PDZRN3: variants seen among roughly 807,000 people sequenced by gnomAD.
PDZRN3 encodes E3 ubiquitin-protein ligase PDZRN3.
In PDZRN3, 38 loss-of-function variants were observed where a neutral mutation model predicts 85.7. That is an observed-to-expected ratio of 0.44 (90% CI 0.34 to 0.58). The LOEUF is 0.58. PDZRN3 is among the 20% of genes least tolerant of loss of function. The probability of loss-of-function intolerance (pLI) is 0.01; values close to 1 mark genes in which losing one functional copy is unlikely to be tolerated. For synonymous variants in PDZRN3, 759 were observed against 638.0 expected, an observed-to-expected ratio of 1.19 and a Z score of -2.86; for missense variants, 1,629 against 1,506.4, an observed-to-expected ratio of 1.08 and a Z score of -1.35.
chr3:73,501,278 A>G (rs985378883), intron 3 of PDZRN3, among the ~76,000 whole-genome samples: 3 of 152,218 alleles, frequency 2.0e-5, no homozygotes, highest in African/African-American at 7.2e-5. Flanking sequence ...AGCTAGAGGC[A>G]TCTCTCTGAG....
chr3:73,510,261 T>C (rs1011084480), intron 3 of PDZRN3, among the ~76,000 whole-genome samples: 13 of 152,192 alleles, frequency 8.5e-5, no homozygotes, highest in Non-Finnish European at 1.8e-4. Flanking sequence ...CCGTAATAAA[T>C]ATAGTTCATG....
intron 3 of PDZRN3, among the ~76,000 whole-genome samples, chr3:73,501,686 T>A (rs1703982125): frequency 6.6e-6 from 1 of 152,188 alleles, no homozygotes; most frequent in Admixed American, 6.5e-5. Flanking sequence ...TTGGTGAGAA[T>A]AAGGTGGGTG....
In PDZRN3 at chr3:73,410,185, A is replaced by T. The variant is rs185764657; in HGVS notation, c.919-5790T>A. On this transcript the variant is annotated intron_variant, in intron 3 of 9. Coordinates refer to ENST00000263666, the MANE Select transcript of PDZRN3 (RefSeq NM_015009.3). ...TTTCAAGCCCTGATTTAGGTTGGAT[A>T]AAAAAAAGTCTTTTTTTCATTTAGG... 4.7e-4 allele frequency among the ~76,000 whole-genome samples: 72 copies of T among 152,156 alleles called. 3 individuals carry two copies. In the East Asian group the frequency reaches 0.011, roughly 23 times the overall value.
intron 3 of PDZRN3, among the ~76,000 whole-genome samples, chr3:73,577,699 C>G (rs1702145394): frequency 6.6e-6 from 1 of 152,142 alleles, no homozygotes; most frequent in Non-Finnish European, 1.5e-5. Context: ...CCTGTCTTGA[C>G]AGCCCTCTTC....
intron 2 of PDZRN3, 53 bp from the exon 3 acceptor site, chr3:73,602,514 G>T: frequency 2.2e-6 from 2 of 925,880 alleles, no homozygotes; most frequent in Non-Finnish European, 3.5e-6. Context: ...AGTTGAGCAT[G>T]AAAGTAAAGC....
At chr3:73,569,234 G>C (rs1397217564) in intron 3 of PDZRN3, 1 of 1,286,678 alleles carries the variant, frequency 7.8e-7, no homozygotes, top group Non-Finnish European at 1.0e-6. Flanking sequence ...AAATACTTCA[G>C]TCTGCAAAGA....
rs751743247 is a variant in PDZRN3 at position 73,384,929 on chromosome 3, T to C, written c.1637A>G (p.Lys546Arg). The C allele has an allele frequency of 1.9e-6, 3 of 1,594,256 alleles. No homozygotes were observed. The Admixed American group carries it at 5.2e-5, about 27-fold the overall frequency. ...GGTCCCACCGTCTTCGTCGTGCTTC[T>C]TCTGCATAAACACAAGAACAAAGGG... ...MQFTASVLQQ[K>R]KHDEDGGTTD... is the part of the protein sequence containing the mutation. Residue 546 changes from lysine (K) to arginine (R), a missense_variant and splice_region_variant, in exon 10 of 10, where the codon AAG becomes AGG. Coordinates refer to ENST00000263666, the MANE Select transcript of PDZRN3 (RefSeq NM_015009.3).
At chr3:73,398,175 A>C (rs1214190718) in intron 5 of PDZRN3, among the ~76,000 whole-genome samples, 2 of 152,170 alleles carry the variant, frequency 1.3e-5, no homozygotes, top group Non-Finnish European at 2.9e-5. Context: ...GAAAAGAGAG[A>C]AGCAGTCTTA....
At chr3:73,525,477 T>C (rs562370652) in intron 3 of PDZRN3, among the ~76,000 whole-genome samples, 2 of 152,318 alleles carry the variant, frequency 1.3e-5, no homozygotes, top group Non-Finnish European at 1.5e-5. Flanking sequence ...TGGCCACTTA[T>C]AGGCATTCAA....
rs184414489 is a variant in PDZRN3, at chr3:73,571,328, C to A, written c.918+31026G>T. ...ACACTCCCGCTATTCAGTATTCCCACCATAAATCGTGCCTTTGTGACAAAA... is the reference window on the plus strand; with the variant it reads ...ACACTCCCGCTATTCAGTATTCCCAACATAAATCGTGCCTTTGTGACAAAA... On this transcript the variant is annotated intron_variant, in intron 3 of 9. Coordinates refer to ENST00000263666, the MANE Select transcript of PDZRN3 (RefSeq NM_015009.3). Among the ~76,000 whole-genome samples, 34 of 152,316 alleles carry A rather than the reference C, an allele frequency of 2.2e-4. No homozygotes were observed. In the East Asian group the frequency reaches 6.6e-3, roughly 29 times the overall value.
chr3:73,499,892 G>A (rs1416794934), intron 3 of PDZRN3, among the ~76,000 whole-genome samples: 1 of 152,228 alleles, frequency 6.6e-6, no homozygotes, highest in East Asian at 1.9e-4. Context: ...GATGAAATGA[G>A]TCAACATACA....
chr3:73,528,885 AACACACAC>A (rs56134399), intron 3 of PDZRN3, among the ~76,000 whole-genome samples: 76 of 146,722 alleles, frequency 5.2e-4, no homozygotes, highest in African/African-American at 8.5e-4. Context: ...TTTTGTGGGA[AACACACAC>A]ACACACACAC....
intron 3 of PDZRN3, among the ~76,000 whole-genome samples, chr3:73,590,499 A>G (rs1457628979): frequency 6.6e-6 from 1 of 152,216 alleles, no homozygotes; most frequent in African/African-American, 2.4e-5. Context: ...TTCTCTAGGT[A>G]CTAAGATGCT....
Position 73,384,600 on chromosome 3 carries a change from C to G in PDZRN3, c.1966G>C (p.Val656Leu). ...FRELLELKCQ[V>L]KSATPYGLYY... ...AGGCCGTAAGGGGTGGCGCTCTTCA[C>G]CTGGCACTTGAGCTCCAGGAGCTCG... Residue 656 changes from valine to leucine, a missense_variant, in exon 10 of 10, where the codon GTG (valine) becomes CTG (leucine). Val to Leu is a conservative substitution (Grantham distance 32, BLOSUM62 1). Transcript: ENST00000263666. 1 of 1,613,858 alleles carries G rather than the reference C, an allele frequency of 6.2e-7. No homozygotes were observed. Among genetic ancestry groups the G allele is most frequent in the East Asian group, 2.2e-5 (1 of 44,860 alleles).
intron 3 of PDZRN3, among the ~76,000 whole-genome samples, chr3:73,450,298 A>C (rs1006154217): frequency 6.6e-6 from 1 of 152,232 alleles, no homozygotes; most frequent in Non-Finnish European, 1.5e-5. Context: ...AGAGCGTACT[A>C]AACATTCTCA....
intron 3 of PDZRN3, among the ~76,000 whole-genome samples, chr3:73,428,473 G>A (rs1702363493): frequency 6.6e-6 from 1 of 152,124 alleles, no homozygotes; most frequent in South Asian, 2.1e-4. Flanking sequence ...GAGTAACAGT[G>A]GTGATGAGAC....
rs149004174 is a variant in PDZRN3, at chr3:73,497,107, C to T, written c.919-92712G>A. Among the ~76,000 whole-genome samples, 642 of 152,136 alleles carry T rather than the reference C, an allele frequency of 4.2e-3. 9 individuals carry two copies. The highest frequency in any genetic ancestry group is 0.015 in the African/African-American group (606 of 41,506). On this transcript the variant is annotated intron_variant, in intron 3 of 9. Transcript: ENST00000263666. ...ATTGGGTAAATACTACAGAGTATTT[C>T]GGTTTGGAGCTTGTTTATTTTGCTT...
At chr3:73,473,273 A>C (rs1166235341) in intron 3 of PDZRN3, among the ~76,000 whole-genome samples, 1 of 152,132 alleles carries the variant, frequency 6.6e-6, no homozygotes, top group Non-Finnish European at 1.5e-5. Flanking sequence ...TTTTAATGAC[A>C]GGGCCAATAT....
chr3:73,501,062 A>G (rs571779766), intron 3 of PDZRN3, among the ~76,000 whole-genome samples: 2 of 152,326 alleles, frequency 1.3e-5, no homozygotes, highest in East Asian at 1.9e-4. Context: ...ATGTCCGTGT[A>G]AGCAATTCAG....
Sources: allele counts gnomAD v4.1 joint callset (sites outside exome capture counted in the v4.1 genomes callset), GRCh38; gene constraint gnomAD v4.1.1; transcripts MANE v1.5; gene names NCBI Gene and HGNC (gene_info 2026-07-23, HGNC 2026-07-21).